The following GALNT18 variants were observed in gnomAD, a reference collection of about 807,000 sequenced individuals.
GALNT18 encodes polypeptide N-acetylgalactosaminyltransferase 18.
In GALNT18, 44 loss-of-function variants were observed where a neutral mutation model predicts 69.5. The ratio of observed to expected loss-of-function variants is 0.63; its 90% CI spans 0.50 to 0.81. GALNT18 has a LOEUF of 0.81. Among genes scored for constraint, GALNT18 ranks in the 40% least tolerant of loss-of-function variants. GALNT18 has a pLI of 0.00. For missense variants in GALNT18, 715 were observed against 810.0 expected (o/e 0.88, Z 1.42); for synonymous variants, 364 against 318.2 (o/e 1.14, Z -1.53).
At chr11:11,419,619 A>AAAAGAAAGAAAG in intron 3 of GALNT18, among the ~76,000 whole-genome samples, 1 of 128,454 alleles carries the variant, frequency 7.8e-6, no homozygotes, top group East Asian at 2.3e-4. Flanking sequence ...AAAAAAAAAA[A>AAAAGAAAGAAAG]AAAGAAAGAA....
chr11:11,291,078 G>C (rs1426142625), intron 10 of GALNT18, among the ~76,000 whole-genome samples: 1 of 152,194 alleles, frequency 6.6e-6, no homozygotes, highest in Non-Finnish European at 1.5e-5. Context: ...CTTGAAGGAG[G>C]AAAGGAGGGA....
chr11:11,303,719 T>G (rs1849534413), intron 9 of GALNT18, among the ~76,000 whole-genome samples: 1 of 152,206 alleles, frequency 6.6e-6, no homozygotes. Context: ...CTGAGGTCCC[T>G]GCAAGGCAGA....
intron 6 of GALNT18, among the ~76,000 whole-genome samples, chr11:11,342,559 G>C (rs771669703): frequency 2.6e-5 from 4 of 152,188 alleles, no homozygotes; most frequent in Non-Finnish European, 5.9e-5. Flanking sequence ...ATAGGCTCTA[G>C]GCTGTTGGAG....
At position 11,430,303 on chromosome 11, in the gene GALNT18, C is replaced by T. The variant is rs1373598824; in HGVS notation, c.595+2318G>A. Among the ~76,000 whole-genome samples, 1 of 152,182 alleles carries T rather than the reference C, an allele frequency of 6.6e-6. No individual in the cohort carries two copies. Among genetic ancestry groups the T allele is most frequent in the African/African-American group, 2.4e-5 (1 of 41,436 alleles). ...ACAAGAAGGTTTCATATGCCCCTCA[C>T]CCAGTATTCCCCAATGGTAACATTG... On this transcript the variant is annotated intron_variant, in intron 3 of 10. Transcript: ENST00000227756. The surrounding 1 kb of genome is among the most constrained non-coding windows in gnomAD (Gnocchi z 4.9).
At chr11:11,285,419 A>G (rs1236097938) in intron 10 of GALNT18, among the ~76,000 whole-genome samples, 1 of 152,240 alleles carries the variant, frequency 6.6e-6, no homozygotes, top group Non-Finnish European at 1.5e-5. Flanking sequence ...TAAACACCAT[A>G]TAAATGTTTG....
intron 10 of GALNT18, among the ~76,000 whole-genome samples, chr11:11,273,935 G>C (rs964704964): frequency 6.6e-6 from 1 of 152,154 alleles, no homozygotes; most frequent in African/African-American, 2.4e-5. Context: ...AGCTCTAAGA[G>C]AGATCCATGC....
At chr11:11,576,677 T>C (rs1357373178) in intron 1 of GALNT18, among the ~76,000 whole-genome samples, 1 of 152,236 alleles carries the variant, frequency 6.6e-6, no homozygotes, top group African/African-American at 2.4e-5. Flanking sequence ...ACTCTGAAGC[T>C]TGGGCTAGGG....
chr11:11,583,706 A>G lies in GALNT18; in HGVS notation c.235+37653T>C, dbSNP rs1346652434. Among the ~76,000 whole-genome samples the G allele has an allele frequency of 6.6e-6, 1 of 152,104 alleles. No individual in the cohort carries two copies. The highest frequency in any genetic ancestry group is 1.5e-5 in the Non-Finnish European group (1 of 68,024). On this transcript the variant is annotated intron_variant, in intron 1 of 10. Coordinates refer to ENST00000227756, the MANE Select transcript of GALNT18 (RefSeq NM_198516.3). The surrounding 1 kb of genome is among the most constrained non-coding windows in gnomAD (Gnocchi z 4.7). The stretch of plus-strand genomic sequence containing the variant: ...AAGATATTTCCAAAGCCCTGACCAC[A>G]TACGTGGTCAGGGAAAATGCTTAAA...
At chr11:11,360,481 C>G (rs572888246) in intron 6 of GALNT18, among the ~76,000 whole-genome samples, 1 of 152,298 alleles carries the variant, frequency 6.6e-6, no homozygotes, top group Non-Finnish European at 1.5e-5. Context: ...CATCGATTTT[C>G]TATAGACCAA....
At chr11:11,472,288 G>A (rs1331085341) in intron 1 of GALNT18, among the ~76,000 whole-genome samples, 2 of 152,214 alleles carry the variant, frequency 1.3e-5, no homozygotes, top group Admixed American at 6.5e-5. Context: ...CTCAGGACAG[G>A]TCTGGGGCTG....
rs1860202940 is a variant in GALNT18 at position 11,621,871 on chromosome 11, T to C, written c.-278A>G. The C allele has an allele frequency of 5.8e-6, 2 of 344,646 alleles. No homozygotes were observed. Among genetic ancestry groups the C allele is most frequent in the East Asian group, 5.4e-5 (1 of 18,454 alleles). 21.3% of individuals were successfully genotyped at this position (344,646 alleles called of 1,614,324 possible). A position where few individuals can be genotyped will look rare whatever the true frequency, so the allele number is the denominator to read the frequency against. ...GAACCCTTCCTAGAGGGGTCACGGG[T>C]AGCCGGCAGCCGCGCGTCCAGATGT... On this transcript the variant is annotated 5_prime_UTR_variant, in exon 1 of 11. Transcript: ENST00000227756. The surrounding 1 kb of genome is among the most constrained non-coding windows in gnomAD (Gnocchi z 9.3).
chr11:11,535,953 G>A (rs550241751), intron 1 of GALNT18, among the ~76,000 whole-genome samples: 2 of 152,286 alleles, frequency 1.3e-5, no homozygotes, highest in East Asian at 3.9e-4. Context: ...AATCACAAGA[G>A]GGCCTTTCCC....
At chr11:11,328,513 G>A (rs1453256197) in intron 8 of GALNT18, among the ~76,000 whole-genome samples, 4 of 152,178 alleles carry the variant, frequency 2.6e-5, no homozygotes, top group Non-Finnish European at 5.9e-5. Context: ...CCGATAACCA[G>A]AGGCCCACGT....
chr11:11,483,892 T>C (rs1856587603), intron 1 of GALNT18, among the ~76,000 whole-genome samples: 1 of 152,068 alleles, frequency 6.6e-6, no homozygotes, highest in Non-Finnish European at 1.5e-5. Flanking sequence ...GGATGGATGA[T>C]TAATGCAGCT....
chr11:11,299,687 T>C (rs1214207680), intron 9 of GALNT18, among the ~76,000 whole-genome samples: 1 of 152,224 alleles, frequency 6.6e-6, no homozygotes, highest in African/African-American at 2.4e-5. Context: ...CTATGGTATA[T>C]ATACCACATT....
At chr11:11,358,040 C>T (rs1850566407) in intron 6 of GALNT18, among the ~76,000 whole-genome samples, 1 of 152,146 alleles carries the variant, frequency 6.6e-6, no homozygotes, top group African/African-American at 2.4e-5. Context: ...CTGGCTGATT[C>T]TTCTCTGAGA....
At chr11:11,293,007 G>C in intron 10 of GALNT18, 22 bp downstream of exon 10, 1 of 1,351,092 alleles carries the variant, frequency 7.4e-7, no homozygotes, top group Non-Finnish European at 9.6e-7. Context: ...CTGCCACTGT[G>C]CCCGGGCTCT....
chr11:11,448,808 A>G lies in GALNT18; in HGVS notation c.364T>C (p.Tyr122His). 6.2e-7 allele frequency: 1 copy of G among 1,613,428 alleles called. No homozygotes were observed. Among genetic ancestry groups the G allele is most frequent in the Non-Finnish European group, 8.5e-7 (1 of 1,179,876 alleles). ...VALKQFQYYG[Y>H]NAYLSDRLPL... is the part of the protein sequence containing the mutation. ...AGGCGGTCGCTGAGGTAGGCGTTGT[A>G]GCCGTAGTACTGGAATTGCTTCAGG... The change falls in exon 2 of 11, where the codon TAC (tyrosine) becomes CAC (histidine). Residue 122 changes from tyrosine (Y) to histidine (H), a missense_variant. By Grantham distance (83) the Tyr-to-His change is moderately conservative. Transcript: ENST00000227756.
intron 1 of GALNT18, among the ~76,000 whole-genome samples, chr11:11,572,435 C>T (rs7118819): frequency 0.7 from 107,197 of 152,110 alleles, 37,834 homozygotes; most frequent in South Asian, 0.81. Context: ...GTTACTGTTG[C>T]TATTTCTGTT....
Sources: allele counts gnomAD v4.1 joint callset (sites outside exome capture counted in the v4.1 genomes callset), GRCh38; gene constraint gnomAD v4.1.1; non-coding constraint Gnocchi (gnomAD v3.1); transcripts MANE v1.5; gene names NCBI Gene and HGNC (gene_info 2026-07-23, HGNC 2026-07-21).